The following EIF2AK4 variants were observed in gnomAD, a reference collection of about 807,000 sequenced individuals.
EIF2AK4 encodes eIF-2-alpha kinase GCN2.
Under a neutral mutation model 211.1 loss-of-function variants are expected in EIF2AK4, and 139 were observed. The observed-to-expected ratio is 0.66, with a 90% CI of 0.57 to 0.76. The LOEUF (loss-of-function observed/expected upper bound fraction) is 0.76, where lower values mean the gene tolerates loss of function less well. Ranked by LOEUF, EIF2AK4 falls within the 30% of genes least tolerant of loss-of-function variation. The pLI is 0.00. For synonymous variants in EIF2AK4, 710 were observed against 751.3 expected, an observed-to-expected ratio of 0.94 and a Z score of 0.90; for missense variants, 1,664 against 2,043.8, an observed-to-expected ratio of 0.81 and a Z score of 3.58.
At chr15:40,030,682 G>T (rs1264283617) in intron 35 of EIF2AK4, among the ~76,000 whole-genome samples, 1 of 152,176 alleles carries the variant, frequency 6.6e-6, no homozygotes, top group Non-Finnish European at 1.5e-5. Flanking sequence ...GGCAGCTGTT[G>T]TCAGAGTGAC....
At chr15:39,987,929 T>C in intron 14 of EIF2AK4, 54 bp from the exon 15 acceptor site, 1 of 1,595,208 alleles carries the variant, frequency 6.3e-7, no homozygotes, top group Non-Finnish European at 8.6e-7. Context: ...GCAGTTATAC[T>C]CCTTCACTTA....
chr15:39,969,101 A>T (rs931632221), intron 9 of EIF2AK4, among the ~76,000 whole-genome samples: 1 of 152,110 alleles, frequency 6.6e-6, no homozygotes, highest in Non-Finnish European at 1.5e-5. Context: ...TCACAGATGG[A>T]AAGTTTCATT....
intron 9 of EIF2AK4, among the ~76,000 whole-genome samples, chr15:39,972,012 T>C (rs1383972504): frequency 6.6e-5 from 10 of 152,142 alleles, no homozygotes; most frequent in Non-Finnish European, 1.2e-4. Context: ...ACAAGAATTG[T>C]CTATTACACC....
At chr15:40,006,676 CATAA>C (rs1332111406) in intron 23 of EIF2AK4, among the ~76,000 whole-genome samples, 2 of 151,986 alleles carry the variant, frequency 1.3e-5, no homozygotes, top group South Asian at 2.1e-4. Context: ...TTTTTAAATT[CATAA>C]ATAAATAACT....
chr15:40,002,619 G>A, intron 21 of EIF2AK4, 94 bp from the exon 22 acceptor site: 2 of 1,284,084 alleles, frequency 1.6e-6, no homozygotes, highest in Non-Finnish European at 1.1e-6. Flanking sequence ...CTGGAAATAA[G>A]CAGTGTAGTG....
At chr15:39,993,030 G>GTCCATCCATCCATCCATCCA (rs1199022740) in intron 18 of EIF2AK4, among the ~76,000 whole-genome samples, 182 bp downstream of exon 18, 1 of 146,570 alleles carries the variant, frequency 6.8e-6, no homozygotes, top group African/African-American at 2.6e-5. Flanking sequence ...GGAGCTTACA[G>GTCCATCCATCCATCCATCCA]TCCATCCATC....
chr15:39,968,545 C>A (rs73388514), intron 9 of EIF2AK4, among the ~76,000 whole-genome samples: 2,718 of 152,300 alleles, frequency 0.018, 93 homozygotes, highest in African/African-American at 0.062. Flanking sequence ...CTGTCAGTTT[C>A]TGTTAAATGG....
intron 9 of EIF2AK4, among the ~76,000 whole-genome samples, chr15:39,971,245 A>G (rs937477828): frequency 4.6e-5 from 7 of 152,100 alleles, no homozygotes; most frequent in African/African-American, 1.2e-4. Context: ...CCAGCACAGC[A>G]GGGCGTGATA....
chr15:40,019,025 C>T, intron 29 of EIF2AK4, 68 bp from the exon 30 acceptor site: 1 of 1,186,728 alleles, frequency 8.4e-7, no homozygotes, highest in South Asian at 1.4e-5. Context: ...ACTCTTTAAT[C>T]ATTGTTTTCC....
Position 39,963,182 on chromosome 15 carries a change from T to C in EIF2AK4, c.859+1283T>C, listed in dbSNP as rs1000590705. Among the ~76,000 whole-genome samples, 3 of 152,154 alleles carry C rather than the reference T, an allele frequency of 2.0e-5. No homozygotes were observed. In the East Asian group the frequency reaches 5.8e-4, roughly 29 times the overall value. Reference sequence around the variant, plus strand: ...CCTGCACATAGACAGAGCTGCCATATTTAGACAAAGGAATCATTGGGCAGG... The same window carrying C: ...CCTGCACATAGACAGAGCTGCCATACTTAGACAAAGGAATCATTGGGCAGG... On this transcript the variant is annotated intron_variant, in intron 7 of 38. Transcript: ENST00000263791.
At chr15:39,935,350 T>C (rs941690701) in intron 1 of EIF2AK4, among the ~76,000 whole-genome samples, 1 of 151,962 alleles carries the variant, frequency 6.6e-6, no homozygotes, top group Admixed American at 6.6e-5. Context: ...TTTTTTTTTT[T>C]CTTTTTGAGA....
chr15:39,969,651 C>T lies in EIF2AK4; in HGVS notation c.1553+1772C>T, dbSNP rs1053463036. The stretch of plus-strand genomic sequence containing the variant: ...CTGGGATTACAGGCGTGAGCCATAG[C>T]GCATGGCCTTCTTATTCTTTTAACA... On this transcript the variant is annotated intron_variant, in intron 9 of 38. Transcript: ENST00000263791. Among the ~76,000 whole-genome samples, 8 of 152,264 alleles carry T rather than the reference C, an allele frequency of 5.3e-5. No individual in the cohort carries two copies. In the South Asian group the frequency reaches 6.2e-4, roughly 12 times the overall value.
chr15:39,987,248 G>A (rs755921532), intron 14 of EIF2AK4, among the ~76,000 whole-genome samples: 2 of 152,180 alleles, frequency 1.3e-5, no homozygotes, highest in Non-Finnish European at 2.9e-5. Context: ...TCACGGTGTG[G>A]GCATCAGAGG....
At chr15:39,972,782 G>C (rs537823238) in intron 9 of EIF2AK4, 126 bp from the exon 10 acceptor site, 2 of 688,196 alleles carry the variant, frequency 2.9e-6, no homozygotes, top group South Asian at 3.8e-5. Flanking sequence ...GTACATTCTG[G>C]TCTTTGAGTA....
intron 2 of EIF2AK4, among the ~76,000 whole-genome samples, chr15:39,941,232 C>T (rs1182012024): frequency 2.0e-5 from 3 of 152,150 alleles, no homozygotes; most frequent in Admixed American, 6.5e-5. Flanking sequence ...TCTTCAGCCC[C>T]CTACTCCTCC....
At chr15:39,943,582 CTACAAAAGGGAA>C (rs1180398519) in intron 3 of EIF2AK4, 97 bp downstream of exon 3, 48 of 925,694 alleles carry the variant, frequency 5.2e-5, no homozygotes, top group Middle Eastern at 5.6e-4. Context: ...TTTATTGGTT[CTACAAAAGGGAA>C]CATTGTGATT....
Position 39,996,929 on chromosome 15 carries a change from A to C in EIF2AK4, c.2767-35A>C, listed in dbSNP as rs752735239. 2.7e-5 allele frequency: 38 copies of C among 1,406,864 alleles called. No individual in the cohort carries two copies. In the South Asian group the frequency reaches 4.4e-4, roughly 16 times the overall value. 87.1% of individuals were successfully genotyped at this position (1,406,864 alleles called of 1,614,324 possible). The stretch of plus-strand genomic sequence containing the variant: ...CCCTGGTAAATTATACTTTCATATC[A>C]AGGCTCTCTAAATGCAATTATTCTT... On this transcript the variant is annotated intron_variant, in intron 18 of 38. Coordinates refer to ENST00000263791, the MANE Select transcript of EIF2AK4 (RefSeq NM_001013703.4).
intron 4 of EIF2AK4, among the ~76,000 whole-genome samples, chr15:39,952,921 T>G (rs889149585): frequency 6.6e-6 from 1 of 152,152 alleles, no homozygotes; most frequent in Non-Finnish European, 1.5e-5. Flanking sequence ...GATACTGGCT[T>G]ACTACAACCT....
chr15:39,997,589 G>C (rs758054670), intron 19 of EIF2AK4, among the ~76,000 whole-genome samples: 2 of 152,188 alleles, frequency 1.3e-5, no homozygotes, highest in African/African-American at 4.8e-5. Context: ...TTTAGTTCTA[G>C]AAGTTAAAGA....
Sources: allele counts gnomAD v4.1 joint callset (sites outside exome capture counted in the v4.1 genomes callset), GRCh38; gene constraint gnomAD v4.1.1; transcripts MANE v1.5; gene names NCBI Gene and HGNC (gene_info 2026-07-23, HGNC 2026-07-21).